The following ZEB1 variants were observed in gnomAD, a reference collection of about 807,000 sequenced individuals.
ZEB1 encodes the protein zinc finger E-box binding homeobox 1, also known as zinc finger E-box-binding homeobox 1.
In ZEB1, 21 loss-of-function variants were observed where a neutral mutation model predicts 84.9. That is an observed-to-expected ratio of 0.25 (90% CI 0.18 to 0.36). The LOEUF (loss-of-function observed/expected upper bound fraction) is 0.36, where lower values mean the gene tolerates loss of function less well. Among genes scored for constraint, ZEB1 ranks in the 10% least tolerant of loss-of-function variants. ZEB1 has a pLI of 1.00. For synonymous variants in ZEB1, 420 were observed against 471.1 expected, an observed-to-expected ratio of 0.89 and a Z score of 1.41; for missense variants, 1,104 against 1,330.2, an observed-to-expected ratio of 0.83 and a Z score of 2.65.
chr10:31,414,250 T>C (rs754254987), intron 1 of ZEB1, among the ~76,000 whole-genome samples: 1 of 152,216 alleles, frequency 6.6e-6, no homozygotes, highest in Non-Finnish European at 1.5e-5. Flanking sequence ...TTGTACATGT[T>C]ACTTGTTTTT....
chr10:31,457,993 T>C (rs548871559), intron 1 of ZEB1, among the ~76,000 whole-genome samples: 100 of 152,222 alleles, frequency 6.6e-4, no homozygotes, highest in African/African-American at 2.1e-3. Flanking sequence ...CATAAAACCA[T>C]GGCCAACTCA....
intron 2 of ZEB1, among the ~76,000 whole-genome samples, 170 bp downstream of exon 2, chr10:31,461,407 C>T (rs2061798349): frequency 6.6e-6 from 1 of 151,980 alleles, no homozygotes; most frequent in Non-Finnish European, 1.5e-5. Context: ...GCAGAATAAG[C>T]AAGTTATTTT....
At position 31,369,428 on chromosome 10, in the gene ZEB1, A is replaced by T. The variant is rs544965240; in HGVS notation, c.58+50136A>T. Among the ~76,000 whole-genome samples the T allele has an allele frequency of 3.9e-5, 6 of 152,292 alleles. No individual in the cohort carries two copies. The East Asian group carries it at 5.8e-4, about 15-fold the overall frequency. On this transcript the variant is annotated intron_variant, in intron 1 of 8. Transcript: ENST00000424869. ...ACTTCTATGAATTTAATCTTATTAGATTCCACATGCAAGTGAGATCATATG... is the reference window on the plus strand; with the variant it reads ...ACTTCTATGAATTTAATCTTATTAGTTTCCACATGCAAGTGAGATCATATG...
At chr10:31,461,571 TATAG>T (rs1317780164) in intron 2 of ZEB1, among the ~76,000 whole-genome samples, 1 of 152,124 alleles carries the variant, frequency 6.6e-6, no homozygotes, top group East Asian at 1.9e-4. Flanking sequence ...ATAAATATCA[TATAG>T]ATATAGTGAA....
At chr10:31,498,975 A>C (rs1281210724) in intron 3 of ZEB1, among the ~76,000 whole-genome samples, 1 of 152,116 alleles carries the variant, frequency 6.6e-6, no homozygotes, top group African/African-American at 2.4e-5. Context: ...TTTATTCTCA[A>C]ATAAAAAGAT....
At chr10:31,448,991 G>T (rs1349473286) in intron 1 of ZEB1, among the ~76,000 whole-genome samples, 1 of 152,262 alleles carries the variant, frequency 6.6e-6, no homozygotes, top group African/African-American at 2.4e-5. Flanking sequence ...CCTGGGCAAT[G>T]GCGGGCGCCC....
At chr10:31,507,208 C>T (rs1222735706) in intron 4 of ZEB1, among the ~76,000 whole-genome samples, 2 of 152,036 alleles carry the variant, frequency 1.3e-5, no homozygotes, top group African/African-American at 2.4e-5. Context: ...TGCTATTAGT[C>T]GTATGGAGGT....
intron 1 of ZEB1, among the ~76,000 whole-genome samples, chr10:31,456,345 T>A (rs1040403560): frequency 5.3e-5 from 8 of 152,126 alleles, no homozygotes; most frequent in African/African-American, 1.7e-4. Context: ...CCAAGGCATG[T>A]GTATACCTAT....
intron 1 of ZEB1, among the ~76,000 whole-genome samples, chr10:31,380,801 G>A (rs1253656948): frequency 1.3e-5 from 2 of 152,114 alleles, no homozygotes; most frequent in African/African-American, 4.8e-5. Flanking sequence ...AGCACCTTGA[G>A]TACCTATTTT....
chr10:31,335,259 T>C (rs981734117), intron 1 of ZEB1, among the ~76,000 whole-genome samples: 1 of 152,116 alleles, frequency 6.6e-6, no homozygotes, highest in African/African-American at 2.4e-5. Context: ...CTGTATATGC[T>C]ACCTGCCCAT....
At chr10:31,403,700 G>A (rs1293264532) in intron 1 of ZEB1, among the ~76,000 whole-genome samples, 11 of 151,866 alleles carry the variant, frequency 7.2e-5, no homozygotes, top group Non-Finnish European at 5.9e-5. Flanking sequence ...GCCCAATACT[G>A]TGGATATTAA....
At chr10:31,440,644 A>G (rs1003845856) in intron 1 of ZEB1, among the ~76,000 whole-genome samples, 1 of 152,208 alleles carries the variant, frequency 6.6e-6, no homozygotes, top group Non-Finnish European at 1.5e-5. Flanking sequence ...ACATGATTGT[A>G]TATTTAGAAA....
intron 1 of ZEB1, among the ~76,000 whole-genome samples, chr10:31,450,647 C>T (rs1349864367): frequency 6.6e-6 from 1 of 152,064 alleles, no homozygotes; most frequent in African/African-American, 2.4e-5. Flanking sequence ...GCCTGTCATT[C>T]ATAATCATTT....
At position 31,476,681 on chromosome 10, in the gene ZEB1, T is replaced by C. The variant is rs552438193; in HGVS notation, c.259+15444T>C. On this transcript the variant is annotated intron_variant, in intron 2 of 8. Transcript: ENST00000424869. ...TCAACAAAATTCTAGCAAACCAGAT[T>C]TATCGCACATCAAAAACAAAATGTA... Among the ~76,000 whole-genome samples, 3 of 152,150 alleles carry C rather than the reference T, an allele frequency of 2.0e-5. No individual in the cohort carries two copies. The South Asian group carries it at 6.2e-4, about 32-fold the overall frequency.
At chr10:31,362,928 G>A in intron 1 of ZEB1, 5 of 1,525,510 alleles carry the variant, frequency 3.3e-6, no homozygotes, top group Non-Finnish European at 4.4e-6. Context: ...CATGCTGGAG[G>A]CGTCCTTCTC....
intron 1 of ZEB1, among the ~76,000 whole-genome samples, chr10:31,379,498 A>T (rs1245275476): frequency 6.6e-6 from 1 of 151,946 alleles, no homozygotes. Context: ...ACACACACAC[A>T]GTAACAGTAT....
At chr10:31,343,874 G>T (rs1353967504) in intron 1 of ZEB1, among the ~76,000 whole-genome samples, 1 of 152,142 alleles carries the variant, frequency 6.6e-6, no homozygotes, top group Non-Finnish European at 1.5e-5. Flanking sequence ...CAAATCAGAT[G>T]TGTGTTTCGA....
intron 3 of ZEB1, 47 bp from the exon 4 acceptor site, chr10:31,502,301 T>A (rs1418960919): frequency 6.3e-7 from 1 of 1,591,516 alleles, no homozygotes; most frequent in Non-Finnish European, 8.6e-7. Flanking sequence ...ACCTTTGTAA[T>A]AACTTAGTGG....
intron 1 of ZEB1, among the ~76,000 whole-genome samples, chr10:31,417,570 C>T (rs566594295): frequency 1.2e-4 from 19 of 152,080 alleles, no homozygotes; most frequent in African/African-American, 4.6e-4. Context: ...AGTGCTTCTT[C>T]GGTGATATAT....
Sources: allele counts gnomAD v4.1 joint callset (sites outside exome capture counted in the v4.1 genomes callset), GRCh38; gene constraint gnomAD v4.1.1; transcripts MANE v1.5; gene names NCBI Gene and HGNC (gene_info 2026-07-23, HGNC 2026-07-21).